CPVL: variants seen among roughly 807,000 people sequenced by gnomAD.
CPVL encodes probable serine carboxypeptidase CPVL.
In CPVL, 51 loss-of-function variants were observed where a neutral mutation model predicts 63.7. The observed-to-expected ratio is 0.80, with a 90% CI of 0.64 to 1.01. The LOEUF is 1.01. CPVL is among the 50% of genes least tolerant of loss of function. The pLI, the probability that CPVL is intolerant of heterozygous loss-of-function variation, is 0.00. For synonymous variants in CPVL, 195 were observed against 206.0 expected, an observed-to-expected ratio of 0.95 and a Z score of 0.46; for missense variants, 530 against 573.1, an observed-to-expected ratio of 0.92 and a Z score of 0.77.
upstream of CPVL, chr7:29,146,665 G>C: frequency 1.9e-6 from 3 of 1,550,604 alleles, no homozygotes; most frequent in Non-Finnish European, 2.6e-6. Context: ...TCAAGTCAGC[G>C]CTTCCCATGC....
intron 1 of CPVL, among the ~76,000 whole-genome samples, chr7:29,140,336 C>A (rs1296942554): frequency 6.6e-6 from 1 of 152,212 alleles, no homozygotes; most frequent in East Asian, 1.9e-4. Flanking sequence ...GTTTTCTCTC[C>A]TTTAACAGAA....
At chr7:29,087,380 C>T (rs565953002) in intron 6 of CPVL, among the ~76,000 whole-genome samples, 9 of 146,116 alleles carry the variant, frequency 6.2e-5, no homozygotes, top group African/African-American at 1.3e-4. Flanking sequence ...GCTGAGATTG[C>T]GCCATTGCAC....
intron 1 of CPVL, 126 bp downstream of exon 1, chr7:29,146,303 C>CT: frequency 2.6e-6 from 1 of 385,540 alleles, no homozygotes; most frequent in Non-Finnish European, 4.6e-6. Flanking sequence ...CTCTACGGTG[C>CT]TTTCTCCCCT....
intron 3 of CPVL, among the ~76,000 whole-genome samples, chr7:29,104,730 C>T (rs1879973): frequency 0.28 from 42,914 of 152,054 alleles, 6,870 homozygotes; most frequent in African/African-American, 0.44. Context: ...ATAGTTATGG[C>T]TATTCTCTTT....
intron 1 of CPVL, among the ~76,000 whole-genome samples, chr7:29,133,078 C>A (rs1790853012): frequency 1.3e-5 from 2 of 152,216 alleles, no homozygotes; most frequent in South Asian, 4.1e-4. Context: ...ATTTGAAAAT[C>A]CACTACGTAT....
At chr7:29,145,643 G>A (rs1056306836) in intron 1 of CPVL, among the ~76,000 whole-genome samples, 3 of 152,066 alleles carry the variant, frequency 2.0e-5, no homozygotes, top group Admixed American at 2.0e-4. Flanking sequence ...GCCAAGTCCC[G>A]TGCTAGGGAG....
At chr7:29,125,455 C>T (rs1584335699) in intron 1 of CPVL, among the ~76,000 whole-genome samples, 2 of 140,476 alleles carry the variant, frequency 1.4e-5, no homozygotes, top group East Asian at 2.2e-4. Flanking sequence ...TGCAGTGGTG[C>T]GATCTCAGCT....
chr7:29,002,252 G>A (rs1784719617), intron 12 of CPVL, among the ~76,000 whole-genome samples: 1 of 152,152 alleles, frequency 6.6e-6, no homozygotes, highest in Non-Finnish European at 1.5e-5. Flanking sequence ...AGGAGGGACA[G>A]CACTGGTAAG....
intron 3 of CPVL, among the ~76,000 whole-genome samples, chr7:29,102,350 T>C (rs150645268): frequency 6.6e-6 from 1 of 152,112 alleles, no homozygotes; most frequent in African/African-American, 2.4e-5. Flanking sequence ...GGGAAGACAG[T>C]AAACAAGCAA....
chr7:29,166,568 A>C (rs556251219), intron 5 of CPVL, among the ~76,000 whole-genome samples: 1 of 152,222 alleles, frequency 6.6e-6, no homozygotes, highest in East Asian at 1.9e-4. Flanking sequence ...CAGGTAATCT[A>C]TGTCTTCTTG....
intron 5 of CPVL, among the ~76,000 whole-genome samples, chr7:29,094,742 A>G (rs1431779694): frequency 2.0e-5 from 3 of 152,020 alleles, no homozygotes; most frequent in Non-Finnish European, 4.4e-5. Context: ...ACACGCCTGT[A>G]ATCCCAGCTA....
intron 9 of CPVL, among the ~76,000 whole-genome samples, chr7:29,071,404 T>C (rs1783717939): frequency 1.3e-5 from 2 of 152,236 alleles, no homozygotes; most frequent in Admixed American, 1.3e-4. Flanking sequence ...CTACATGGTT[T>C]AGAGCAGATG....
At chr7:29,046,192 C>T (rs964593481) in intron 11 of CPVL, among the ~76,000 whole-genome samples, 2 of 150,406 alleles carry the variant, frequency 1.3e-5, no homozygotes, top group African/African-American at 4.9e-5. Context: ...TCAAGCACTT[C>T]TCCTGCCTCA....
chr7:29,028,287 A>G (rs1787686566), intron 12 of CPVL, among the ~76,000 whole-genome samples: 1 of 152,222 alleles, frequency 6.6e-6, no homozygotes, highest in Non-Finnish European at 1.5e-5. Flanking sequence ...ATATACACAT[A>G]GAATAAGCTC....
intron 4 of CPVL, 144 bp from the exon 5 acceptor site, chr7:29,095,286 G>T: frequency 1.5e-6 from 1 of 665,818 alleles, no homozygotes. Context: ...TCTCATGGTG[G>T]GGAACAGGCA....
chr7:29,192,621 A>G (rs537836585), intron 1 of CPVL: 19 of 152,376 alleles, frequency 1.2e-4, no homozygotes, highest in Non-Finnish European at 2.4e-4. Flanking sequence ...GCAACTTACA[A>G]TCACTTTGGA....
Position 29,130,779 on chromosome 7 carries a change from G to A in CPVL, c.-10-9708C>T, listed in dbSNP as rs941092063. ...CCTCAATGCAACTGTTGATAAAAACGGAATTCTGAATAAACTGGATTGTTT... is the reference window on the plus strand; with the variant it reads ...CCTCAATGCAACTGTTGATAAAAACAGAATTCTGAATAAACTGGATTGTTT... On this transcript the variant is annotated intron_variant, in intron 1 of 12. Coordinates refer to ENST00000265394, the MANE Select transcript of CPVL (RefSeq NM_031311.5). Among the ~76,000 whole-genome samples the A allele has an allele frequency of 3.3e-5, 5 of 152,052 alleles. No homozygotes were observed. The East Asian group carries it at 5.8e-4, about 18-fold the overall frequency.
intron 11 of CPVL, among the ~76,000 whole-genome samples, chr7:29,048,520 C>G (rs1206597237): frequency 6.6e-6 from 1 of 151,938 alleles, no homozygotes; most frequent in Non-Finnish European, 1.5e-5. Context: ...CAGTGGAGCT[C>G]CCAAATTTAT....
intron 11 of CPVL, among the ~76,000 whole-genome samples, 192 bp downstream of exon 11, chr7:29,063,869 C>A (rs1396717836): frequency 6.6e-6 from 1 of 150,482 alleles, no homozygotes; most frequent in Admixed American, 6.7e-5. Context: ...ACCACAACGG[C>A]AAAAGTGGTT....
Sources: gnomAD v4.1 joint callset for allele counts (sites outside exome capture counted in the v4.1 genomes callset) on GRCh38, gnomAD v4.1.1 for gene constraint, MANE v1.5 for transcripts, NCBI Gene and HGNC (gene_info 2026-07-23, HGNC 2026-07-21) for gene names.